EVI5: variants seen among roughly 807,000 people sequenced by gnomAD.
The protein encoded by EVI5 is ecotropic viral integration site 5 protein homolog.
A neutral mutation model predicts 112.0 loss-of-function variants in EVI5; 73 were observed. That is an observed-to-expected ratio of 0.65 (90% CI 0.54 to 0.79). The LOEUF is 0.79. EVI5 is among the 30% of genes least tolerant of loss of function. The pLI is 0.00. For synonymous variants in EVI5, 305 were observed against 319.9 expected, an observed-to-expected ratio of 0.95 and a Z score of 0.50; for missense variants, 900 against 968.8, an observed-to-expected ratio of 0.93 and a Z score of 0.94.
intron 1 of EVI5, among the ~76,000 whole-genome samples, chr1:92,767,530 A>G (rs1682823470): frequency 6.6e-6 from 1 of 152,314 alleles, no homozygotes; most frequent in South Asian, 2.1e-4. Flanking sequence ...AGGTGGAAAA[A>G]ATGTTCTCTT....
intron 13 of EVI5, among the ~76,000 whole-genome samples, chr1:92,648,190 CAAAAAAAAAAAA>C (rs961901260): frequency 4.2e-5 from 1 of 24,064 alleles, no homozygotes; most frequent in Non-Finnish European, 7.5e-5. Flanking sequence ...ACTAAAAATA[CAAAAAAAAAAAA>C]AAAAAAAAAA....
intron 19 of EVI5, among the ~76,000 whole-genome samples, chr1:92,525,433 T>G (rs892455917): frequency 3.3e-5 from 5 of 152,032 alleles, no homozygotes; most frequent in Non-Finnish European, 7.4e-5. Flanking sequence ...CATACTTGGC[T>G]AATTTTTGTA....
intron 18 of EVI5, among the ~76,000 whole-genome samples, chr1:92,586,911 G>C (rs1672896274): frequency 6.6e-6 from 1 of 151,800 alleles, no homozygotes; most frequent in African/African-American, 2.4e-5. Context: ...CAAAATCTGG[G>C]CACTAAGTGT....
intron 6 of EVI5, 31 bp from the exon 7 acceptor site, chr1:92,695,484 C>G: frequency 7.0e-7 from 1 of 1,438,000 alleles, no homozygotes; most frequent in Non-Finnish European, 9.5e-7. Flanking sequence ...AGTTATAACA[C>G]AGTAAAACTG....
At chr1:92,722,834 A>C (rs1027495019) in intron 2 of EVI5, among the ~76,000 whole-genome samples, 4 of 152,206 alleles carry the variant, frequency 2.6e-5, no homozygotes, top group Non-Finnish European at 4.4e-5. Flanking sequence ...AAGGGGTAAA[A>C]AGTTAAAACC....
intron 4 of EVI5, 41 bp from the exon 5 acceptor site, chr1:92,702,256 TATACCTTCCTTCTCCAAAAAACCTAA>T: frequency 9.6e-7 from 1 of 1,039,118 alleles, no homozygotes; most frequent in Middle Eastern, 2.0e-4. Flanking sequence ...CATGGTAAGT[TATACCTTCCTTCTCCAAAAAACCTAA>T]AATTGGCAAG....
intron 19 of EVI5, among the ~76,000 whole-genome samples, chr1:92,556,626 T>TAA (rs989280645): frequency 2.0e-5 from 3 of 152,202 alleles, no homozygotes; most frequent in East Asian, 1.9e-4. Flanking sequence ...ATCTGATTGT[T>TAA]AAAGTTCCTT....
chr1:92,746,190 T>C lies in EVI5; in HGVS notation c.-81-9563A>G, dbSNP rs369973657. On this transcript the variant is annotated intron_variant, in intron 1 of 19. Coordinates refer to ENST00000684568, the MANE Select transcript of EVI5 (RefSeq NM_001350197.2). ...TGTCCAAAAATGCTGCTTGACCACA[T>C]TGCAGGTCAGAGTTCTCTGAACTTA... Among the ~76,000 whole-genome samples the C allele has an allele frequency of 3.3e-5, 5 of 152,324 alleles. No individual in the cohort carries two copies. In the East Asian group the frequency reaches 9.7e-4, roughly 29 times the overall value.
intron 19 of EVI5, among the ~76,000 whole-genome samples, chr1:92,538,163 T>TA (rs1481574554): frequency 6.6e-6 from 1 of 152,194 alleles, no homozygotes; most frequent in Admixed American, 6.5e-5. Flanking sequence ...AAACTGCCAC[T>TA]GAATGTCTTC....
chr1:92,548,432 T>G lies in EVI5; in HGVS notation c.2166+15210A>C, dbSNP rs530586025. 2.2e-4 allele frequency among the ~76,000 whole-genome samples: 33 copies of G among 152,230 alleles called. No homozygotes were observed. In the East Asian group the frequency reaches 3.3e-3, roughly 15 times the overall value. On this transcript the variant is annotated intron_variant, in intron 19 of 19. Coordinates refer to ENST00000684568, the MANE Select transcript of EVI5 (RefSeq NM_001350197.2). ...AACTGGAAGCATTCCCTTTGAAAACTGGCACAAGACAGGGATGCCCTCTCA... is the reference window on the plus strand; with the variant it reads ...AACTGGAAGCATTCCCTTTGAAAACGGGCACAAGACAGGGATGCCCTCTCA...
intron 1 of EVI5, chr1:92,784,418 C>A (rs1409967300): frequency 2.0e-6 from 2 of 985,262 alleles, no homozygotes; most frequent in African/African-American, 1.7e-5. Context: ...AGTAAAGACG[C>A]CAACTTTGCA....
intron 1 of EVI5, among the ~76,000 whole-genome samples, chr1:92,774,754 A>T (rs908403245): frequency 3.9e-5 from 6 of 152,212 alleles, no homozygotes; most frequent in Non-Finnish European, 8.8e-5. Flanking sequence ...GATGAGCACA[A>T]AGAACAATGA....
chr1:92,550,475 C>G (rs1666610519), intron 19 of EVI5, among the ~76,000 whole-genome samples: 1 of 151,154 alleles, frequency 6.6e-6, no homozygotes, highest in Non-Finnish European at 1.5e-5. Context: ...TGCACATGTA[C>G]CCTAGAACTT....
intron 19 of EVI5, among the ~76,000 whole-genome samples, chr1:92,541,491 A>G (rs1664798109): frequency 1.3e-5 from 2 of 152,182 alleles, no homozygotes; most frequent in Non-Finnish European, 2.9e-5. Context: ...TGGATAAATC[A>G]AAACACTCAT....
chr1:92,675,207 G>T (rs1411882853), intron 10 of EVI5, among the ~76,000 whole-genome samples: 1 of 152,150 alleles, frequency 6.6e-6, no homozygotes. Context: ...AGCCAGGCAT[G>T]GTGGTGTGCA....
chr1:92,510,404 T>C lies in EVI5; in HGVS notation c.*3252A>G, dbSNP rs1194923471. 2 of 152,236 alleles carry C rather than the reference T, an allele frequency of 1.3e-5. No homozygotes were observed. The highest frequency in any genetic ancestry group is 4.8e-5 in the African/African-American group (2 of 41,464). 9.4% of individuals were successfully genotyped at this position (152,236 alleles called of 1,614,324 possible). On this transcript the variant is annotated 3_prime_UTR_variant, in exon 20 of 20. Transcript: ENST00000684568. ...TATCTTTCTACAGTTTTCTATGGAA[T>C]AAGAGACTTCATCATATAAAATGGC...
chr1:92,705,391 C>T (rs1340769056), intron 2 of EVI5, among the ~76,000 whole-genome samples: 2 of 152,046 alleles, frequency 1.3e-5, no homozygotes, highest in Admixed American at 1.3e-4. Flanking sequence ...AAGGCAAAAC[C>T]GGTCCATATT....
At chr1:92,776,951 C>T (rs1057435229) in intron 1 of EVI5, among the ~76,000 whole-genome samples, 6 of 152,166 alleles carry the variant, frequency 3.9e-5, no homozygotes, top group Admixed American at 2.0e-4. Context: ...TACAGACGCC[C>T]GCCACCACGC....
At chr1:92,556,741 T>C (rs1356726608) in intron 19 of EVI5, among the ~76,000 whole-genome samples, 5 of 152,204 alleles carry the variant, frequency 3.3e-5, no homozygotes, top group East Asian at 3.8e-4. Flanking sequence ...TTTAAATCCA[T>C]AGCTCAGGTT....
Sources: allele counts gnomAD v4.1 joint callset (sites outside exome capture counted in the v4.1 genomes callset), GRCh38; gene constraint gnomAD v4.1.1; transcripts MANE v1.5; gene names NCBI Gene and HGNC (gene_info 2026-07-23, HGNC 2026-07-21).